COLGALT2: variants seen among roughly 807,000 people sequenced by gnomAD.
COLGALT2 encodes procollagen galactosyltransferase 2.
A neutral mutation model predicts 73.4 loss-of-function variants in COLGALT2; 49 were observed. The observed-to-expected ratio is 0.67, with a 90% CI of 0.53 to 0.85. The LOEUF is 0.85. Ranked by LOEUF, COLGALT2 falls within the 40% of genes least tolerant of loss-of-function variation. The pLI, the probability that COLGALT2 is intolerant of heterozygous loss-of-function variation, is 0.00. For missense variants in COLGALT2, 722 were observed against 790.2 expected, an observed-to-expected ratio of 0.91 and a Z score of 1.03; for synonymous variants, 295 against 307.6, an observed-to-expected ratio of 0.96 and a Z score of 0.43.
chr1:183,936,893 C>T lies in COLGALT2; in HGVS notation c.*1868G>A, dbSNP rs1390868418. ...AGTCGGGAAGGAAGGCCGAGGCTGG[C>T]GTCTGGTGGAAGGCAAGCTGCCTCT... On this transcript the variant is annotated 3_prime_UTR_variant, in exon 12 of 12. Transcript: ENST00000361927. 12 of 1,231,710 alleles carry T rather than the reference C, an allele frequency of 9.7e-6. No individual in the cohort carries two copies. Among genetic ancestry groups the T allele is most frequent in the Middle Eastern group, 3.1e-4 (1 of 3,208 alleles). 76.3% of individuals were successfully genotyped at this position (1,231,710 alleles called of 1,614,324 possible).
intron 1 of COLGALT2, among the ~76,000 whole-genome samples, chr1:183,997,204 CATAAA>C (rs113266394): frequency 0.018 from 2,685 of 152,156 alleles, 75 homozygotes; most frequent in African/African-American, 0.061. Context: ...TGAAGATAAA[CATAAA>C]ATAAAAAAGA....
At chr1:183,986,258 A>G (rs1671486839) in intron 1 of COLGALT2, among the ~76,000 whole-genome samples, 2 of 152,218 alleles carry the variant, frequency 1.3e-5, no homozygotes, top group African/African-American at 4.8e-5. Context: ...TTCCTCCCAC[A>G]AAAAGCCTTT....
At chr1:183,974,270 T>C (rs1671131582) in intron 3 of COLGALT2, among the ~76,000 whole-genome samples, 1 of 152,206 alleles carries the variant, frequency 6.6e-6, no homozygotes, top group Non-Finnish European at 1.5e-5. Context: ...TTCTTAGAAG[T>C]CCATGTTAAC....
At chr1:183,961,377 G>T (rs1038468986) in intron 6 of COLGALT2, among the ~76,000 whole-genome samples, 2 of 143,876 alleles carry the variant, frequency 1.4e-5, no homozygotes, top group Non-Finnish European at 3.1e-5. Context: ...CAGCCCTGTG[G>T]GAGAAAACAA....
At chr1:183,932,577 T>C (rs1398702193), downstream of COLGALT2, among the ~76,000 whole-genome samples, 1 of 152,158 alleles carries the variant, frequency 6.6e-6, no homozygotes. Context: ...CTTGCTGCTC[T>C]GGGGAGAGAC....
rs1164187261 is a variant in COLGALT2, at chr1:183,938,757, G to A, written c.*4C>T. 3 of 1,613,830 alleles carry A rather than the reference G, an allele frequency of 1.9e-6. No homozygotes were observed. Among genetic ancestry groups the A allele is most frequent in the South Asian group, 2.2e-5 (2 of 91,064 alleles). ...CTGATGTGGGCCACACTCCCAGGGA[G>A]CCTTCATAGCTCATCCCTTGAAGGC... is the stretch of plus-strand genomic sequence containing the variant. On this transcript the variant is annotated 3_prime_UTR_variant, in exon 12 of 12. Transcript: ENST00000361927.
At chr1:184,026,387 A>G (rs138570102) in intron 1 of COLGALT2, among the ~76,000 whole-genome samples, 2 of 152,304 alleles carry the variant, frequency 1.3e-5, no homozygotes, top group East Asian at 3.9e-4. Context: ...CCCTGTCACC[A>G]AAAGAGCACA....
intron 1 of COLGALT2, among the ~76,000 whole-genome samples, chr1:184,003,651 G>T (rs1225193767): frequency 1.3e-5 from 2 of 152,134 alleles, no homozygotes; most frequent in Non-Finnish European, 2.9e-5. Flanking sequence ...TAAAACAGTT[G>T]TGCTTTTTTG....
chr1:183,978,658 T>C, intron 1 of COLGALT2, 138 bp from the exon 2 acceptor site: 1 of 553,732 alleles, frequency 1.8e-6, no homozygotes. Context: ...AATTCCCTCA[T>C]AGTCCAAACT....
At chr1:183,943,100 G>C (rs1488913454) in intron 10 of COLGALT2, among the ~76,000 whole-genome samples, 4 of 152,372 alleles carry the variant, frequency 2.6e-5, no homozygotes, top group South Asian at 2.1e-4. Flanking sequence ...GGACTGTGCA[G>C]AATGCCAAAC....
intron 4 of COLGALT2, among the ~76,000 whole-genome samples, chr1:183,973,405 T>C (rs879734824): frequency 1.3e-5 from 2 of 152,152 alleles, no homozygotes; most frequent in Non-Finnish European, 2.9e-5. Flanking sequence ...CTTTAGACTA[T>C]TTTTTTCATA....
At chr1:183,952,164 C>T (rs1040608163) in intron 7 of COLGALT2, among the ~76,000 whole-genome samples, 4 of 152,152 alleles carry the variant, frequency 2.6e-5, no homozygotes, top group South Asian at 2.1e-4. Context: ...TGCCTTTACA[C>T]GTAAATCAAT....
At chr1:183,940,505 G>T (rs2102787207) in intron 11 of COLGALT2, 76 bp downstream of exon 11, 1 of 1,276,398 alleles carries the variant, frequency 7.8e-7, no homozygotes, top group Non-Finnish European at 1.1e-6. Context: ...AAAATATCAA[G>T]TACTACCAGA....
chr1:184,024,354 CTTTTTCTTTTTT>C (rs1419977265), intron 1 of COLGALT2, among the ~76,000 whole-genome samples: 1 of 149,500 alleles, frequency 6.7e-6, no homozygotes, highest in Non-Finnish European at 1.5e-5. Flanking sequence ...TTTTCTTTTT[CTTTTTCTTTTTT>C]TTTTTTGACA....
chr1:184,035,174 G>A (rs948562164), intron 1 of COLGALT2, among the ~76,000 whole-genome samples: 2 of 152,188 alleles, frequency 1.3e-5, no homozygotes, highest in Non-Finnish European at 2.9e-5. Flanking sequence ...GGAACTTACA[G>A]GGAACTTAGG....
At chr1:183,964,335 T>C in intron 5 of COLGALT2, 1 of 370,804 alleles carries the variant, frequency 2.7e-6, no homozygotes, top group Non-Finnish European at 4.8e-6. Context: ...AGGCAAGGAA[T>C]TCCCATTCTG....
intron 1 of COLGALT2, among the ~76,000 whole-genome samples, chr1:184,021,061 G>A (rs998061240): frequency 2.0e-5 from 3 of 152,076 alleles, no homozygotes; most frequent in Non-Finnish European, 4.4e-5. Flanking sequence ...ATCCTGTCAA[G>A]TCACATGATT....
intron 1 of COLGALT2, among the ~76,000 whole-genome samples, chr1:184,005,020 A>G (rs1019811803): frequency 5.3e-5 from 8 of 152,260 alleles, no homozygotes; most frequent in Non-Finnish European, 1.0e-4. Context: ...AAGGAATAGA[A>G]ACTGGGGCCA....
chr1:183,945,674 G>T, intron 8 of COLGALT2, 110 bp from the exon 9 acceptor site: 1 of 1,266,436 alleles, frequency 7.9e-7, no homozygotes, highest in Non-Finnish European at 1.1e-6. Context: ...CACAGACAAA[G>T]ACAGAGAGGC....
Sources: gnomAD v4.1 joint callset for allele counts (sites outside exome capture counted in the v4.1 genomes callset) on GRCh38, gnomAD v4.1.1 for gene constraint, MANE v1.5 for transcripts, NCBI Gene and HGNC (gene_info 2026-07-23, HGNC 2026-07-21) for gene names.